Variants in USP44 observed in about 807,000 individuals in gnomAD.
USP44 encodes the protein ubiquitin carboxyl-terminal hydrolase 44.
Under a neutral mutation model 69.0 loss-of-function variants are expected in USP44, and 61 were observed. That is an observed-to-expected ratio of 0.88 (90% CI 0.72 to 1.09). The LOEUF is 1.09. USP44 is among the 50% of genes least tolerant of loss of function. USP44 has a pLI of 0.00. For synonymous variants in USP44, 297 were observed against 295.4 expected (o/e 1.01, Z -0.06); for missense variants, 753 against 849.9 (o/e 0.89, Z 1.42).
Position 95,517,054 on chromosome 12 carries a change from C to T in USP44, c.*1100G>A, listed in dbSNP as rs1389093690. Reference sequence around the variant, plus strand: ...TCAGAAGAAGAAAAAGAGTGACTCACACTGTATTTTTTTTTGTGCAAGTTT... The same window carrying T: ...TCAGAAGAAGAAAAAGAGTGACTCATACTGTATTTTTTTTTGTGCAAGTTT... On this transcript the variant is annotated 3_prime_UTR_variant, in exon 6 of 6. Transcript: ENST00000258499. The T allele has an allele frequency of 2.0e-5, 3 of 147,168 alleles. No individual in the cohort carries two copies. The highest frequency in any genetic ancestry group is 3.0e-5 in the Non-Finnish European group (2 of 67,592). The allele number at this position is 147,168 out of a possible 1,614,324, so 9.1% of individuals were successfully genotyped here. A position where few individuals can be genotyped will look rare whatever the true frequency, so the allele number is the denominator to read the frequency against.
intron 1 of USP44, among the ~76,000 whole-genome samples, chr12:95,547,404 C>T (rs946519429): frequency 1.3e-5 from 2 of 152,188 alleles, no homozygotes; most frequent in African/African-American, 2.4e-5. Context: ...CATTTAAACG[C>T]TCTTTAAAAT....
intron 4 of USP44, among the ~76,000 whole-genome samples, chr12:95,522,693 G>A (rs545587619): frequency 2.0e-5 from 3 of 150,304 alleles, no homozygotes; most frequent in Admixed American, 6.7e-5. Flanking sequence ...CAGGAGAATC[G>A]CTTGAACCCG....
chr12:95,519,914 C>G (rs886880042), intron 5 of USP44, among the ~76,000 whole-genome samples: 1 of 146,010 alleles, frequency 6.8e-6, no homozygotes, highest in Non-Finnish European at 1.5e-5. Flanking sequence ...GTGGTGCACA[C>G]CTGCAATCCC....
At chr12:95,536,039 C>CTTTTTTTTTTTTTTT (rs397821709) in intron 1 of USP44, among the ~76,000 whole-genome samples, 3 of 97,528 alleles carry the variant, frequency 3.1e-5, no homozygotes, top group Non-Finnish European at 4.3e-5. Context: ...CTTTTTTTTC[C>CTTTTTTTTTTTTTTT]TTTTTTTTTT....
Position 95,533,078 on chromosome 12 carries a change from C to T in USP44, c.1179G>A (p.Trp393Ter). 6.2e-7 allele frequency: 1 copy of T among 1,614,212 alleles called. No homozygotes were observed. The highest frequency in any genetic ancestry group is 2.2e-5 in the East Asian group (1 of 44,888). ...HELHTLFQVM[W>*]SGKWALVSPF... Reference sequence around the variant, plus strand: ...GTGAGACCAACGCCCACTTTCCAGACCACATGACTTGGAACAAAGTATGCA... The same window carrying T: ...GTGAGACCAACGCCCACTTTCCAGATCACATGACTTGGAACAAAGTATGCA... The change falls in exon 2 of 6, where the codon TGG becomes TGA. Residue 393 changes from tryptophan to a stop codon, truncating the protein, a stop_gained. Coordinates refer to ENST00000258499, the MANE Select transcript of USP44 (RefSeq NM_032147.5). LOFTEE classifies it high-confidence loss of function.
chr12:95,536,907 C>T (rs1319442933), intron 1 of USP44, among the ~76,000 whole-genome samples: 1 of 152,196 alleles, frequency 6.6e-6, no homozygotes, highest in African/African-American at 2.4e-5. Flanking sequence ...AGGCCACTCG[C>T]TGGTACCTGG....
At chr12:95,524,119 C>T (rs986035960) in intron 4 of USP44, among the ~76,000 whole-genome samples, 5 of 151,938 alleles carry the variant, frequency 3.3e-5, no homozygotes, top group African/African-American at 4.8e-5. Context: ...CTCACTCTGT[C>T]GCCCAGGCTG....
intron 1 of USP44, among the ~76,000 whole-genome samples, chr12:95,549,556 C>T (rs1279298017): frequency 6.6e-6 from 1 of 152,120 alleles, no homozygotes; most frequent in Non-Finnish European, 1.5e-5. Flanking sequence ...TTTAACTGAA[C>T]CTATACTCAA....
Position 95,528,991 on chromosome 12 carries a change from A to C in USP44, c.1440T>G (p.Leu480=), listed in dbSNP as rs747743785. Residue 480 remains leucine, a synonymous_variant, in exon 3 of 6, where the codon CTT becomes CTG. Transcript: ENST00000258499. The part of the protein sequence containing the change: ...HGQLLSQVTC[L]ACDNKSNTIE... ...TGGTATTTGATTTGTTGTCACATGC[A>C]AGACATGTAACCTGCAAATGAGAAT... 7.4e-6 allele frequency: 12 copies of C among 1,611,334 alleles called. No individual in the cohort carries two copies. Among genetic ancestry groups the C allele is most frequent in the Non-Finnish European group, 9.3e-6 (11 of 1,178,792 alleles).
At chr12:95,546,085 C>G (rs2077561045) in intron 1 of USP44, among the ~76,000 whole-genome samples, 1 of 152,156 alleles carries the variant, frequency 6.6e-6, no homozygotes. Context: ...TTTCTCACCC[C>G]CATCCCTACT....
chr12:95,538,223 A>G (rs375590232), intron 1 of USP44, among the ~76,000 whole-genome samples: 6 of 152,310 alleles, frequency 3.9e-5, no homozygotes, highest in African/African-American at 1.4e-4. Flanking sequence ...GTGACCATAA[A>G]TTACGTGCTA....
intron 5 of USP44, among the ~76,000 whole-genome samples, chr12:95,519,112 A>G (rs1476384125): frequency 1.3e-5 from 2 of 152,182 alleles, no homozygotes; most frequent in Non-Finnish European, 2.9e-5. Context: ...TTATATTAGC[A>G]TATAAAAATC....
intron 4 of USP44, 38 bp downstream of exon 4, chr12:95,524,642 C>G: frequency 6.7e-7 from 1 of 1,481,638 alleles, no homozygotes; most frequent in Non-Finnish European, 9.2e-7. Flanking sequence ...ATTATAAGCA[C>G]AAGGAATGAT....
Position 95,534,132 on chromosome 12 carries a change from A to C in USP44, c.125T>G (p.Leu42Arg). Residue 42 changes from leucine (L) to arginine (R), a missense_variant, in exon 2 of 6, where the codon CTT (leucine) becomes CGT (arginine). Coordinates refer to ENST00000258499, the MANE Select transcript of USP44 (RefSeq NM_032147.5). ...CNTTESIWACLSCSHVACGRY... is the reference protein window; with the variant it reads ...CNTTESIWACRSCSHVACGRY... Reference sequence around the variant, plus strand: ...TCCACAGGCAACATGGGAGCAGCTAAGGCAAGCCCAAATGGACTCGGTCGT... The same window carrying C: ...TCCACAGGCAACATGGGAGCAGCTACGGCAAGCCCAAATGGACTCGGTCGT... 2.5e-6 allele frequency: 4 copies of C among 1,614,202 alleles called. No homozygotes were observed. The highest frequency in any genetic ancestry group is 3.4e-6 in the Non-Finnish European group (4 of 1,180,040).
chr12:95,528,318 A>C (rs1386670108), intron 3 of USP44, among the ~76,000 whole-genome samples: 1 of 152,244 alleles, frequency 6.6e-6, no homozygotes, highest in Non-Finnish European at 1.5e-5. Context: ...CTAACACAGA[A>C]GAGACAGTGC....
rs886444520 is a variant in USP44, at chr12:95,524,687, G to A, written c.1726C>T (p.Arg576Ter). ...LPQVLRLHLK[R>*]FRWSGRNNRE... ...ACTGGTCCTACTACAGACCTGAATC[G>A]TTTGAGGTGCAGTCTGAGAACCTGA... The change falls in exon 4 of 6, where the codon CGA (arginine) becomes TGA (stop). Residue 576 changes from arginine (R) to a stop codon, truncating the protein, a stop_gained. Transcript: ENST00000258499. LOFTEE classifies it high-confidence loss of function. 2.5e-6 allele frequency: 4 copies of A among 1,609,014 alleles called. No individual in the cohort carries two copies. Among genetic ancestry groups the A allele is most frequent in the Admixed American group, 3.4e-5 (2 of 58,858 alleles).
At chr12:95,534,911 G>A (rs2077151737) in intron 1 of USP44, among the ~76,000 whole-genome samples, 1 of 152,088 alleles carries the variant, frequency 6.6e-6, no homozygotes, top group Non-Finnish European at 1.5e-5. Context: ...GAACTCCTGA[G>A]CTCGGGTCAT....
At chr12:95,540,226 T>C (rs2077343967) in intron 1 of USP44, among the ~76,000 whole-genome samples, 6 of 152,162 alleles carry the variant, frequency 3.9e-5, no homozygotes, top group Admixed American at 3.9e-4. Context: ...CCTACGCAAC[T>C]TACCTTCCCA....
In USP44 at chr12:95,518,464, A is replaced by T. The variant is rs2076547091; in HGVS notation, c.1940-111T>A. Reference sequence around the variant, plus strand: ...GGGAAAATAATTTTCTAGCCAATTCATTTTTCTTTAATGAGAAATATAGAT... The same window carrying T: ...GGGAAAATAATTTTCTAGCCAATTCTTTTTTCTTTAATGAGAAATATAGAT... On this transcript the variant is annotated intron_variant, in intron 5 of 5. Transcript: ENST00000258499. 1.9e-5 allele frequency: 20 copies of T among 1,078,460 alleles called. No homozygotes were observed. The South Asian group carries it at 3.2e-4, about 17-fold the overall frequency. 66.8% of individuals were successfully genotyped at this position (1,078,460 alleles called of 1,614,324 possible). A position where few individuals can be genotyped will look rare whatever the true frequency, so the allele number is the denominator to read the frequency against.
Sources: gnomAD v4.1 joint callset for allele counts (sites outside exome capture counted in the v4.1 genomes callset) on GRCh38, gnomAD v4.1.1 for gene constraint, MANE v1.5 for transcripts, NCBI Gene and HGNC (gene_info 2026-07-23, HGNC 2026-07-21) for gene names.